DNAH14: variants seen among roughly 807,000 people sequenced by gnomAD.
The protein encoded by DNAH14 is dynein axonemal heavy chain 14.
DNAH14 carries 478 observed loss-of-function variants against 520.9 expected under a neutral mutation model. The ratio of observed to expected loss-of-function variants is 0.92; its 90% CI spans 0.85 to 0.99. The LOEUF is 0.99. Among genes scored for constraint, DNAH14 ranks in the 50% least tolerant of loss-of-function variants. The probability of loss-of-function intolerance (pLI) is 0.00; values close to 1 mark genes in which losing one functional copy is unlikely to be tolerated. For synonymous variants in DNAH14, 1,581 were observed against 1,757.2 expected (o/e 0.90, Z 2.51); for missense variants, 4,831 against 5,234.5 (o/e 0.92, Z 2.38).
At chr1:225,095,204 T>A (rs1028639915) in intron 21 of DNAH14, among the ~76,000 whole-genome samples, 1 of 152,192 alleles carries the variant, frequency 6.6e-6, no homozygotes, top group East Asian at 1.9e-4. Flanking sequence ...CACGCTTATG[T>A]TCATCACAGC....
intron 17 of DNAH14, among the ~76,000 whole-genome samples, chr1:225,070,608 G>A (rs2071441709): frequency 3.9e-5 from 6 of 152,128 alleles, no homozygotes; most frequent in Admixed American, 3.9e-4. Flanking sequence ...CATTTGCTGA[G>A]GAGTGTTTTA....
chr1:225,212,569 T>C (rs1019606055), intron 41 of DNAH14, among the ~76,000 whole-genome samples: 3 of 152,198 alleles, frequency 2.0e-5, no homozygotes, highest in Non-Finnish European at 2.9e-5. Flanking sequence ...CAGCACCTGT[T>C]GTTTCCTGAC....
intron 27 of DNAH14, among the ~76,000 whole-genome samples, chr1:225,136,000 T>A (rs2078925070): frequency 6.6e-6 from 1 of 152,192 alleles, no homozygotes; most frequent in South Asian, 2.1e-4. Context: ...GTTTTCCATT[T>A]GCTTGGTAAA....
At chr1:225,017,267 G>A (rs2501121) in intron 10 of DNAH14, among the ~76,000 whole-genome samples, 137,664 of 152,234 alleles carry the variant, frequency 0.9, 63,795 homozygotes, top group East Asian at 1. Context: ...GCACATATAA[G>A]TAGTCTTCTT....
At chr1:225,258,898 C>G (rs1323833225) in intron 45 of DNAH14, among the ~76,000 whole-genome samples, 1 of 152,108 alleles carries the variant, frequency 6.6e-6, no homozygotes, top group Non-Finnish European at 1.5e-5. Context: ...AACTCTTAAT[C>G]TATTCTTTTG....
chr1:225,305,132 G>A, intron 58 of DNAH14, 43 bp downstream of exon 58: 3 of 1,493,726 alleles, frequency 2.0e-6, no homozygotes, highest in Non-Finnish European at 1.8e-6. Flanking sequence ...TTATATTGGT[G>A]TTTTTGTTTG....
At chr1:225,268,040 A>G (rs773314836) in intron 49 of DNAH14, among the ~76,000 whole-genome samples, 8 of 152,154 alleles carry the variant, frequency 5.3e-5, no homozygotes, top group Non-Finnish European at 1.0e-4. Flanking sequence ...GGGTATAAGC[A>G]GGAACAAAGG....
chr1:225,085,440 T>C, intron 20 of DNAH14, 104 bp from the exon 21 acceptor site: 1 of 1,060,936 alleles, frequency 9.4e-7, no homozygotes, highest in Non-Finnish European at 1.4e-6. Flanking sequence ...AGATCTTCAA[T>C]ATTTTTGATG....
intron 83 of DNAH14, among the ~76,000 whole-genome samples, chr1:225,390,964 T>C (rs1488821592): frequency 1.3e-5 from 2 of 152,084 alleles, no homozygotes; most frequent in African/African-American, 2.4e-5. Flanking sequence ...AATAGGTGAC[T>C]GAGTCAAGAT....
At chr1:225,265,580 C>A (rs114708081) in intron 48 of DNAH14, among the ~76,000 whole-genome samples, 172 of 152,106 alleles carry the variant, frequency 1.1e-3, no homozygotes, top group African/African-American at 4.0e-3. Context: ...ATTATTAAGG[C>A]CAAAAGAAGC....
chr1:225,377,404 A>G lies in DNAH14; in HGVS notation c.12684A>G (p.Gln4228=), dbSNP rs181625725. ...EKFIENLIAM[Q]PKTTTANLMI... ...TTATTGAAAATCTGATTGCCATGCA[A>G]CCAAAAACTACCACTGCCAACCTCA... Residue 4228 remains glutamine (Q), a synonymous_variant, in exon 79 of 86, where the codon CAA becomes CAG. Coordinates refer to ENST00000682510, the MANE Select transcript of DNAH14 (RefSeq NM_001367479.1). 3.2e-6 allele frequency: 5 copies of G among 1,550,828 alleles called. No individual in the cohort carries two copies. In the African/African-American group the frequency reaches 6.8e-5, roughly 21 times the overall value.
intron 1 of DNAH14, among the ~76,000 whole-genome samples, chr1:224,932,905 C>T (rs2058784284): frequency 1.3e-5 from 2 of 152,032 alleles, no homozygotes; most frequent in Non-Finnish European, 2.9e-5. Context: ...ATTTCTTTGG[C>T]TATTCAGGCT....
At chr1:225,021,754 C>A (rs2065715091) in intron 10 of DNAH14, among the ~76,000 whole-genome samples, 1 of 151,998 alleles carries the variant, frequency 6.6e-6, no homozygotes, top group Admixed American at 6.6e-5. Flanking sequence ...AAATTACCAA[C>A]ATCATTTTTC....
In DNAH14 at chr1:225,009,790, G is replaced by A. The variant is rs2064543810; in HGVS notation, c.1107+2246G>A. On this transcript the variant is annotated intron_variant, in intron 10 of 85. Coordinates refer to ENST00000682510, the MANE Select transcript of DNAH14 (RefSeq NM_001367479.1). ...TCCTCTCTTATTTCCTTGAACAGTTGTTTGTAGTTCTCCTTGAAGAGGTCC... is the reference window on the plus strand; with the variant it reads ...TCCTCTCTTATTTCCTTGAACAGTTATTTGTAGTTCTCCTTGAAGAGGTCC... Among the ~76,000 whole-genome samples the A allele has an allele frequency of 2.0e-5, 3 of 152,068 alleles. No homozygotes were observed. In the South Asian group the frequency reaches 6.2e-4, roughly 31 times the overall value.
chr1:225,058,306 G>A (rs1365278148), intron 17 of DNAH14, among the ~76,000 whole-genome samples: 2 of 152,174 alleles, frequency 1.3e-5, no homozygotes, highest in Non-Finnish European at 2.9e-5. Flanking sequence ...AGATTTTCTA[G>A]TTTATTTGTG....
chr1:225,124,995 G>A (rs933754592), intron 27 of DNAH14, among the ~76,000 whole-genome samples: 2 of 152,136 alleles, frequency 1.3e-5, no homozygotes, highest in East Asian at 1.9e-4. Context: ...GAACTCTTGG[G>A]TGACTGGATG....
intron 54 of DNAH14, among the ~76,000 whole-genome samples, chr1:225,287,863 A>C (rs1206563972): frequency 1.3e-5 from 2 of 152,202 alleles, no homozygotes; most frequent in Non-Finnish European, 2.9e-5. Context: ...CAACTAAAAG[A>C]GTTCACAGTG....
chr1:225,354,174 A>C, intron 73 of DNAH14: 2 of 702,114 alleles, frequency 2.8e-6, no homozygotes, highest in Middle Eastern at 2.3e-4. Context: ...GCCTATAAAG[A>C]ACATACTTTC....
intron 22 of DNAH14, 119 bp from the exon 23 acceptor site, chr1:225,100,593 GA>G: frequency 1.2e-6 from 1 of 826,322 alleles, no homozygotes; most frequent in Admixed American, 3.6e-5. Flanking sequence ...GATTTATCAA[GA>G]AAATTTAACA....
Sources: gnomAD v4.1 joint callset for allele counts (sites outside exome capture counted in the v4.1 genomes callset) on GRCh38, gnomAD v4.1.1 for gene constraint, MANE v1.5 for transcripts, NCBI Gene and HGNC (gene_info 2026-07-23, HGNC 2026-07-21) for gene names.